The following FHOD3 variants were observed in gnomAD, a reference collection of about 807,000 sequenced individuals.
FHOD3 encodes the protein formin homology 2 domain containing 3.
A neutral mutation model predicts 173.0 loss-of-function variants in FHOD3; 90 were observed. The ratio of observed to expected loss-of-function variants is 0.52; its 90% CI spans 0.44 to 0.62. The LOEUF (loss-of-function observed/expected upper bound fraction) is 0.62. Among genes scored for constraint, FHOD3 ranks in the 20% least tolerant of loss-of-function variants. The pLI is 0.00. For synonymous variants in FHOD3, 828 were observed against 823.0 expected (o/e 1.01, Z -0.10); for missense variants, 1,945 against 2,034.7 (o/e 0.96, Z 0.85).
intron 3 of FHOD3, among the ~76,000 whole-genome samples, chr18:36,478,625 A>G (rs1256173938): frequency 6.6e-6 from 1 of 152,170 alleles, no homozygotes; most frequent in Non-Finnish European, 1.5e-5. Context: ...AGGACCTTGA[A>G]TCCCTCCAAA....
chr18:36,616,355 G>T (rs906812079), intron 9 of FHOD3, among the ~76,000 whole-genome samples: 4 of 152,164 alleles, frequency 2.6e-5, no homozygotes, highest in Admixed American at 6.5e-5. Context: ...TTGCCCATCA[G>T]TGAACAAACT....
intron 3 of FHOD3, among the ~76,000 whole-genome samples, chr18:36,477,705 A>G (rs1304057265): frequency 2.0e-5 from 3 of 152,180 alleles, no homozygotes; most frequent in East Asian, 3.9e-4. Context: ...CCAGGTGTTA[A>G]TGGGAGACAT....
intron 3 of FHOD3, among the ~76,000 whole-genome samples, chr18:36,479,549 A>G (rs1213085775): frequency 6.6e-6 from 1 of 152,166 alleles, no homozygotes; most frequent in Non-Finnish European, 1.5e-5. Context: ...AGTAGCATGT[A>G]AGGAACATTC....
chr18:36,771,475 C>G (rs188812450), intron 28 of FHOD3, among the ~76,000 whole-genome samples: 1 of 152,310 alleles, frequency 6.6e-6, no homozygotes, highest in East Asian at 1.9e-4. Context: ...TTGCATCTCT[C>G]CTTTTGTGTA....
chr18:36,779,738 C>A lies in FHOD3; in HGVS notation c.*208C>A. On this transcript the variant is annotated 3_prime_UTR_variant, in exon 29 of 29. Transcript: ENST00000590592. The stretch of plus-strand genomic sequence containing the variant: ...AGTCCCCTGCACATACCTTCTCCAT[C>A]GTGTCAGCTGTGTTTCTCTTGATTC... 1.8e-6 allele frequency: 1 copy of A among 564,870 alleles called. No homozygotes were observed. The highest frequency in any genetic ancestry group is 2.9e-5 in the East Asian group (1 of 35,014). The allele number at this position is 564,870 out of a possible 1,614,324, so 35.0% of individuals were successfully genotyped here. A position where few individuals can be genotyped will look rare whatever the true frequency, so the allele number is the denominator to read the frequency against.
chr18:36,777,289 G>A (rs2043747469), intron 28 of FHOD3, among the ~76,000 whole-genome samples: 2 of 135,376 alleles, frequency 1.5e-5, no homozygotes, highest in African/African-American at 2.8e-5. Flanking sequence ...CGCAACCTCC[G>A]CCTCCCAGGT....
intron 17 of FHOD3, among the ~76,000 whole-genome samples, chr18:36,699,706 A>T (rs1337269042): frequency 2.0e-5 from 3 of 152,208 alleles, no homozygotes; most frequent in African/African-American, 7.2e-5. Context: ...TCAAAATGAT[A>T]CAACACCTGC....
At chr18:36,375,935 T>C (rs1490803471) in intron 3 of FHOD3, among the ~76,000 whole-genome samples, 6 of 152,264 alleles carry the variant, frequency 3.9e-5, no homozygotes, top group Non-Finnish European at 8.8e-5. Context: ...CTTGCCTTCT[T>C]AATCTAGCTT....
intron 17 of FHOD3, among the ~76,000 whole-genome samples, chr18:36,693,648 T>A (rs1409384966): frequency 6.6e-6 from 1 of 152,194 alleles, no homozygotes; most frequent in Non-Finnish European, 1.5e-5. Flanking sequence ...GTTGTCAATG[T>A]ATGGCCATGG....
At chr18:36,422,763 G>A (rs1026883835) in intron 3 of FHOD3, among the ~76,000 whole-genome samples, 9 of 152,166 alleles carry the variant, frequency 5.9e-5, no homozygotes, top group Admixed American at 3.3e-4. Context: ...GTTAATTAGC[G>A]TCCTTAAGTA....
chr18:36,469,516 A>G (rs2053152010), intron 3 of FHOD3, among the ~76,000 whole-genome samples: 1 of 152,152 alleles, frequency 6.6e-6, no homozygotes, highest in Non-Finnish European at 1.5e-5. Flanking sequence ...TCACCATATT[A>G]TCCTTTGGTA....
intron 28 of FHOD3, among the ~76,000 whole-genome samples, chr18:36,776,020 A>T (rs2043622491): frequency 6.6e-6 from 1 of 152,060 alleles, no homozygotes; most frequent in African/African-American, 2.4e-5. Flanking sequence ...GAGTCGGGAG[A>T]GGCCCAGGTG....
chr18:36,356,775 A>G (rs1268566170), intron 2 of FHOD3, among the ~76,000 whole-genome samples: 1 of 152,046 alleles, frequency 6.6e-6, no homozygotes, highest in Non-Finnish European at 1.5e-5. Context: ...AGCTGGGACT[A>G]CAGGCGTGTG....
At chr18:36,724,972 C>A (rs1022971286) in intron 19 of FHOD3, among the ~76,000 whole-genome samples, 2 of 152,240 alleles carry the variant, frequency 1.3e-5, no homozygotes, top group African/African-American at 4.8e-5. Context: ...CCTCTCTTTC[C>A]TTGAGCACTT....
chr18:36,380,576 T>TC (rs1397378684), intron 3 of FHOD3, among the ~76,000 whole-genome samples: 4,162 of 114,318 alleles, frequency 0.036, 120 homozygotes, highest in Admixed American at 0.089. Flanking sequence ...TCTTTTCTTT[T>TC]CTTTTCCTTT....
intron 10 of FHOD3, among the ~76,000 whole-genome samples, chr18:36,630,689 G>A (rs1027277321): frequency 2.6e-5 from 4 of 152,216 alleles, no homozygotes; most frequent in Non-Finnish European, 5.9e-5. Flanking sequence ...CACCAGAAAT[G>A]TTCAAGTGGA....
intron 14 of FHOD3, among the ~76,000 whole-genome samples, chr18:36,679,817 G>A (rs2038118183): frequency 6.6e-6 from 1 of 152,074 alleles, no homozygotes; most frequent in African/African-American, 2.4e-5. Flanking sequence ...CAATTTTTGA[G>A]TAGTCCTTAT....
intron 3 of FHOD3, among the ~76,000 whole-genome samples, chr18:36,482,689 T>C (rs2053967374): frequency 6.6e-6 from 1 of 152,156 alleles, no homozygotes; most frequent in South Asian, 2.1e-4. Context: ...ATACTTTGTG[T>C]AATTGCTTTC....
intron 1 of FHOD3, among the ~76,000 whole-genome samples, chr18:36,351,896 T>C (rs1040087186): frequency 2.0e-5 from 3 of 152,214 alleles, no homozygotes; most frequent in Admixed American, 2.0e-4. Flanking sequence ...CATTCCCACC[T>C]CCTTCCAGTC....
Sources: gnomAD v4.1 joint callset for allele counts (sites outside exome capture counted in the v4.1 genomes callset) on GRCh38, gnomAD v4.1.1 for gene constraint, MANE v1.5 for transcripts, NCBI Gene and HGNC (gene_info 2026-07-23, HGNC 2026-07-21) for gene names.